Variants in TTC28 observed in about 807,000 individuals in gnomAD.
The protein encoded by TTC28 is tetratricopeptide repeat domain 28.
A neutral mutation model predicts 198.0 loss-of-function variants in TTC28; 61 were observed. The observed-to-expected ratio is 0.31, with a 90% confidence interval of 0.25 to 0.38. The LOEUF (loss-of-function observed/expected upper bound fraction) is 0.38. Among genes scored for constraint, TTC28 ranks in the 10% least tolerant of loss-of-function variants. The probability of loss-of-function intolerance (pLI) is 1.00; values close to 1 mark genes in which losing one functional copy is unlikely to be tolerated. For missense variants in TTC28, 2,678 were observed against 3,164.0 expected (o/e 0.85, Z 3.69); for synonymous variants, 1,171 against 1,297.8 (o/e 0.90, Z 2.10).
intron 12 of TTC28, among the ~76,000 whole-genome samples, chr22:28,051,601 G>A (rs950081213): frequency 3.3e-5 from 5 of 152,088 alleles, no homozygotes; most frequent in East Asian, 3.9e-4. Context: ...GGCTGATGTC[G>A]TTCCTGTCTT....
intron 6 of TTC28, among the ~76,000 whole-genome samples, chr22:28,122,285 G>T (rs114097879): frequency 6.6e-6 from 1 of 152,160 alleles, no homozygotes; most frequent in East Asian, 1.9e-4. Flanking sequence ...GAGAATATAA[G>T]AAAGGCCAAG....
intron 1 of TTC28, among the ~76,000 whole-genome samples, chr22:28,662,704 A>G (rs937506464): frequency 1.3e-5 from 2 of 152,376 alleles, no homozygotes; most frequent in African/African-American, 4.8e-5. Context: ...TTTATTTTTC[A>G]TAAAATATAT....
chr22:28,609,692 T>C (rs892654394), intron 2 of TTC28, among the ~76,000 whole-genome samples: 35 of 152,022 alleles, frequency 2.3e-4, no homozygotes, highest in Non-Finnish European at 4.1e-4. Flanking sequence ...TGTTTGTTTT[T>C]TTTTTTCCAT....
At chr22:28,181,318 C>A (rs778406870) in intron 5 of TTC28, among the ~76,000 whole-genome samples, 41 of 152,056 alleles carry the variant, frequency 2.7e-4, no homozygotes, top group Non-Finnish European at 3.8e-4. Context: ...TGTAAATTAA[C>A]AGATTAATAA....
intron 2 of TTC28, among the ~76,000 whole-genome samples, chr22:28,449,516 G>A (rs546041608): frequency 6.6e-5 from 10 of 152,286 alleles, no homozygotes; most frequent in African/African-American, 2.4e-4. Context: ...CCATGTTATA[G>A]GAGAGGAAGC....
intron 9 of TTC28, among the ~76,000 whole-genome samples, chr22:28,099,458 C>T (rs775611760): frequency 6.6e-6 from 1 of 152,194 alleles, no homozygotes; most frequent in Admixed American, 6.5e-5. Flanking sequence ...GTGAGTAAAG[C>T]CATGGTGAAA....
At chr22:28,650,353 T>C (rs895362802) in intron 1 of TTC28, among the ~76,000 whole-genome samples, 1 of 152,072 alleles carries the variant, frequency 6.6e-6, no homozygotes, top group African/African-American at 2.4e-5. Context: ...AAATAGAAAA[T>C]AGCTCAAAGA....
chr22:27,992,456 CCTT>C (rs1937450987), intron 19 of TTC28, 128 bp downstream of exon 19: 1 of 953,352 alleles, frequency 1.0e-6, no homozygotes, highest in Non-Finnish European at 1.5e-6. Flanking sequence ...CCGGCCCTCA[CCTT>C]CTCCTTTGAA....
intron 2 of TTC28, among the ~76,000 whole-genome samples, chr22:28,595,369 G>A (rs568908673): frequency 6.6e-6 from 1 of 152,304 alleles, no homozygotes; most frequent in Admixed American, 6.5e-5. Context: ...TGTAAAATAT[G>A]AAGCACTAAT....
intron 2 of TTC28, among the ~76,000 whole-genome samples, chr22:28,482,187 T>C (rs570420670): frequency 9.3e-4 from 139 of 149,164 alleles, no homozygotes; most frequent in Non-Finnish European, 1.6e-3. Context: ...GCTTAGCTAG[T>C]AGAGATAGTA....
At chr22:28,101,422 G>C (rs1942148952) in intron 8 of TTC28, 142 bp from the exon 9 acceptor site, 1 of 696,948 alleles carries the variant, frequency 1.4e-6, no homozygotes, top group African/African-American at 1.8e-5. Context: ...CTGGAGTGCA[G>C]TGGCAGCTCA....
At chr22:28,463,949 TAAAAG>T (rs2047984850) in intron 2 of TTC28, among the ~76,000 whole-genome samples, 1 of 151,608 alleles carries the variant, frequency 6.6e-6, no homozygotes, top group African/African-American at 2.4e-5. Flanking sequence ...AAAATTAAAA[TAAAAG>T]AAATTGCAAT....
At chr22:28,265,042 A>G (rs1288823634) in intron 5 of TTC28, among the ~76,000 whole-genome samples, 2 of 152,200 alleles carry the variant, frequency 1.3e-5, no homozygotes, top group African/African-American at 4.8e-5. Context: ...GGCAATATGT[A>G]AATATATAAG....
chr22:28,274,797 T>A (rs1157899293), intron 5 of TTC28, among the ~76,000 whole-genome samples: 1 of 151,636 alleles, frequency 6.6e-6, no homozygotes, highest in Non-Finnish European at 1.5e-5. Context: ...CTGGCCAACA[T>A]GGAGAAACCC....
At chr22:28,357,912 T>C (rs775737530) in intron 2 of TTC28, among the ~76,000 whole-genome samples, 1 of 152,096 alleles carries the variant, frequency 6.6e-6, no homozygotes, top group African/African-American at 2.4e-5. Flanking sequence ...GAAAAGTTCA[T>C]CAAAATGCCA....
At chr22:28,582,693 G>C (rs969789030) in intron 2 of TTC28, among the ~76,000 whole-genome samples, 6 of 152,046 alleles carry the variant, frequency 3.9e-5, no homozygotes, top group African/African-American at 1.4e-4. Context: ...CTGTAAAGAA[G>C]GGTTAGAGTT....
In TTC28 at chr22:28,364,758, G is replaced by C. The variant is rs368988228; in HGVS notation, c.382-58115C>G. On this transcript the variant is annotated intron_variant, in intron 2 of 22. Transcript: ENST00000397906. ...ATTAGAAGTGGAACACAGTGAAGAT[G>C]TGACTAAATTGCTGCAATCTCATGA... Among the ~76,000 whole-genome samples, 5 of 152,252 alleles carry C rather than the reference G, an allele frequency of 3.3e-5. No individual in the cohort carries two copies. The East Asian group carries it at 7.7e-4, about 23-fold the overall frequency.
chr22:28,610,344 G>A (rs2050800114), intron 2 of TTC28, among the ~76,000 whole-genome samples: 1 of 152,158 alleles, frequency 6.6e-6, no homozygotes, highest in Admixed American at 6.5e-5. Flanking sequence ...GAAAGCTCTA[G>A]CTGGCATCTG....
At chr22:28,558,258 T>C (rs1291163343) in intron 2 of TTC28, among the ~76,000 whole-genome samples, 2 of 152,252 alleles carry the variant, frequency 1.3e-5, no homozygotes, top group African/African-American at 4.8e-5. Flanking sequence ...TTATCATAAG[T>C]AATTTGTTAT....
Sources: gnomAD v4.1 joint callset for allele counts (sites outside exome capture counted in the v4.1 genomes callset) on GRCh38, gnomAD v4.1.1 for gene constraint, MANE v1.5 for transcripts, NCBI Gene and HGNC (gene_info 2026-07-23, HGNC 2026-07-21) for gene names.